WDFY1: variants seen among roughly 807,000 people sequenced by gnomAD.
WDFY1 encodes WD repeat and FYVE domain containing 1.
A neutral mutation model predicts 56.4 loss-of-function variants in WDFY1; 32 were observed. The ratio of observed to expected loss-of-function variants is 0.57; its 90% CI spans 0.43 to 0.76. The LOEUF is 0.76. Among genes scored for constraint, WDFY1 ranks in the 30% least tolerant of loss-of-function variants. The probability of loss-of-function intolerance (pLI) is 0.00; values close to 1 mark genes in which losing one functional copy is unlikely to be tolerated. For synonymous variants in WDFY1, 192 were observed against 197.3 expected (o/e 0.97, Z 0.23); for missense variants, 480 against 545.7 (o/e 0.88, Z 1.20).
At chr2:223,929,653 T>A (rs2077843) in intron 1 of WDFY1, among the ~76,000 whole-genome samples, 125,635 of 152,088 alleles carry the variant, frequency 0.83, 52,907 homozygotes, top group Non-Finnish European at 0.93. Flanking sequence ...AAAAAAAATT[T>A]AAAAAAATAA....
intron 3 of WDFY1, 99 bp downstream of exon 3, chr2:223,912,154 T>G: frequency 8.2e-7 from 1 of 1,219,650 alleles, no homozygotes; most frequent in Non-Finnish European, 1.1e-6. Flanking sequence ...CGAGCATCCA[T>G]TGTTAATCCA....
At chr2:223,884,980 T>C (rs558073816) in intron 8 of WDFY1, among the ~76,000 whole-genome samples, 1 of 150,398 alleles carries the variant, frequency 6.6e-6, no homozygotes, top group Non-Finnish European at 1.5e-5. Context: ...TGGCTGGGAC[T>C]ACAGGCATGC....
chr2:223,884,851 C>CTTT (rs374854961), intron 8 of WDFY1, 102 bp from the exon 9 acceptor site: 10 of 681,628 alleles, frequency 1.5e-5, no homozygotes, highest in Admixed American at 8.0e-5. Flanking sequence ...GTTAGTATTT[C>CTTT]TTTTCTTCTT....
intron 7 of WDFY1, among the ~76,000 whole-genome samples, chr2:223,895,254 T>C (rs995314237): frequency 2.0e-5 from 3 of 152,174 alleles, no homozygotes; most frequent in Non-Finnish European, 2.9e-5. Context: ...GCAAGTGCTC[T>C]TTGGACTAAG....
intron 1 of WDFY1, among the ~76,000 whole-genome samples, chr2:223,923,765 A>T (rs113899857): frequency 0.014 from 2,199 of 152,062 alleles, 23 homozygotes; most frequent in Middle Eastern, 0.017. Flanking sequence ...CGTCTCAAAA[A>T]AAAAAAATAA....
intron 2 of WDFY1, among the ~76,000 whole-genome samples, chr2:223,916,401 C>G (rs1693788645): frequency 1.3e-5 from 2 of 152,184 alleles, no homozygotes; most frequent in South Asian, 4.1e-4. Flanking sequence ...CCTGGAATAC[C>G]TCTTAAGAAA....
chr2:223,900,966 C>T, intron 5 of WDFY1: 1 of 494,146 alleles, frequency 2.0e-6, no homozygotes, highest in Non-Finnish European at 3.5e-6. Context: ...TACGGAAGTT[C>T]TCGGATTTTC....
intron 1 of WDFY1, among the ~76,000 whole-genome samples, chr2:223,939,350 T>C (rs1290069272): frequency 6.6e-6 from 1 of 152,192 alleles, no homozygotes; most frequent in Non-Finnish European, 1.5e-5. Context: ...ATCAGCACTA[T>C]TGACATTTGG....
At chr2:223,908,813 G>A (rs1693643752) in intron 3 of WDFY1, among the ~76,000 whole-genome samples, 1 of 152,102 alleles carries the variant, frequency 6.6e-6, no homozygotes, top group Non-Finnish European at 1.5e-5. Context: ...CATCTTTTCT[G>A]TCTCTGAAGA....
chr2:223,907,540 C>T (rs906134777), intron 3 of WDFY1, among the ~76,000 whole-genome samples: 5 of 152,182 alleles, frequency 3.3e-5, no homozygotes, highest in Admixed American at 6.5e-5. Context: ...TATGTGCCAT[C>T]CTATAATGAC....
chr2:223,932,117 C>CTTTTTTTT (rs35246074), intron 1 of WDFY1, among the ~76,000 whole-genome samples: 5 of 93,986 alleles, frequency 5.3e-5, no homozygotes, highest in Non-Finnish European at 7.9e-5. Context: ...GTATGAGTAC[C>CTTTTTTTT]TTTTTTTTTT....
At chr2:223,894,874 A>AAT (rs1693336411) in intron 7 of WDFY1, among the ~76,000 whole-genome samples, 1 of 152,216 alleles carries the variant, frequency 6.6e-6, no homozygotes, top group East Asian at 1.9e-4. Flanking sequence ...ACTTGTGTAT[A>AAT]ATATGTTTCC....
At chr2:223,879,436 G>A (rs1382810730) in intron 11 of WDFY1, among the ~76,000 whole-genome samples, 1 of 151,808 alleles carries the variant, frequency 6.6e-6, no homozygotes. Flanking sequence ...TGGGAGGATC[G>A]CTTGAGCCGA....
intron 11 of WDFY1, 86 bp from the exon 12 acceptor site, chr2:223,878,816 T>TA: frequency 6.7e-7 from 1 of 1,490,694 alleles, no homozygotes; most frequent in Non-Finnish European, 9.3e-7. Flanking sequence ...AAACGACTGT[T>TA]AAACCTGAAA....
intron 9 of WDFY1, among the ~76,000 whole-genome samples, chr2:223,882,504 T>C (rs1292662513): frequency 1.3e-5 from 2 of 152,220 alleles, no homozygotes; most frequent in Admixed American, 6.5e-5. Context: ...CCCAATTCAA[T>C]GTATCAATTA....
chr2:223,914,600 G>A (rs1392518244), intron 2 of WDFY1, among the ~76,000 whole-genome samples: 11 of 152,138 alleles, frequency 7.2e-5, no homozygotes, highest in Non-Finnish European at 1.5e-5. Context: ...CTGGCCCTTT[G>A]CATAAAAAGT....
At chr2:223,894,425 A>C in intron 7 of WDFY1, 86 bp from the exon 8 acceptor site, 1 of 1,357,704 alleles carries the variant, frequency 7.4e-7, no homozygotes, top group Non-Finnish European at 1.0e-6. Context: ...TGCTCTCCTC[A>C]TTAAAATCAG....
At chr2:223,894,093 G>T in intron 8 of WDFY1, 141 bp downstream of exon 8, 1 of 730,396 alleles carries the variant, frequency 1.4e-6, no homozygotes, top group Non-Finnish European at 2.3e-6. Context: ...GACCTTGTCA[G>T]AAATAACCCA....
chr2:223,904,868 T>C (rs916249334), intron 4 of WDFY1, among the ~76,000 whole-genome samples: 1 of 152,178 alleles, frequency 6.6e-6, no homozygotes, highest in Admixed American at 6.5e-5. Flanking sequence ...AAGTTGTCAT[T>C]GGGATCTTGC....
Sources: gnomAD v4.1 joint callset for allele counts (sites outside exome capture counted in the v4.1 genomes callset) on GRCh38, gnomAD v4.1.1 for gene constraint, MANE v1.5 for transcripts, NCBI Gene and HGNC (gene_info 2026-07-23, HGNC 2026-07-21) for gene names.